ADAMTSL1: variants seen among roughly 807,000 people sequenced by gnomAD.
ADAMTSL1 encodes the protein ADAMTS-like protein 1.
In ADAMTSL1, 126 loss-of-function variants were observed where a neutral mutation model predicts 201.8. The ratio of observed to expected loss-of-function variants is 0.62; its 90% confidence interval spans 0.54 to 0.72. The LOEUF is 0.72. Among genes scored for constraint, ADAMTSL1 ranks in the 30% least tolerant of loss-of-function variants. ADAMTSL1 has a pLI of 0.00. For synonymous variants in ADAMTSL1, 1,121 were observed against 903.4 expected, an observed-to-expected ratio of 1.24 and a Z score of -4.32; for missense variants, 2,679 against 2,277.8, an observed-to-expected ratio of 1.18 and a Z score of -3.59.
intron 14 of ADAMTSL1, among the ~76,000 whole-genome samples, chr9:18,712,880 A>G (rs971174241): frequency 6.7e-6 from 1 of 148,798 alleles, no homozygotes; most frequent in African/African-American, 2.5e-5. Flanking sequence ...AGGGAAGCCC[A>G]TCAGACTAAC....
chr9:18,493,756 T>A (rs1822380582), intron 1 of ADAMTSL1, among the ~76,000 whole-genome samples: 1 of 152,236 alleles, frequency 6.6e-6, no homozygotes, highest in South Asian at 2.1e-4. Context: ...TTTCCCTCTG[T>A]CTTTAGATAA....
At chr9:18,097,332 G>A (rs2094348680) in intron 1 of ADAMTSL1, among the ~76,000 whole-genome samples, 1 of 152,272 alleles carries the variant, frequency 6.6e-6, no homozygotes, top group South Asian at 2.1e-4. Context: ...TGTGTTTCTG[G>A]ATTTTGGCTA....
At chr9:18,301,174 GA>G (rs1254061081) in intron 2 of ADAMTSL1, among the ~76,000 whole-genome samples, 1 of 151,764 alleles carries the variant, frequency 6.6e-6, no homozygotes, top group East Asian at 1.9e-4. Flanking sequence ...CAGGAAGAAA[GA>G]AAAAAAGTAT....
chr9:18,875,351 T>C (rs1473453204), intron 23 of ADAMTSL1, among the ~76,000 whole-genome samples: 2 of 152,174 alleles, frequency 1.3e-5, no homozygotes, highest in Non-Finnish European at 2.9e-5. Flanking sequence ...TTAGATTGTC[T>C]ATTTGTGCTC....
chr9:18,735,731 A>T lies in ADAMTSL1; in HGVS notation c.2006+14066A>T, dbSNP rs1434130825. Among the ~76,000 whole-genome samples the T allele has an allele frequency of 2.4e-5, 3 of 124,754 alleles. No homozygotes were observed. In the East Asian group the frequency reaches 6.7e-4, roughly 28 times the overall value. The allele number at this position is 124,754 out of a possible 152,430, so 81.8% of individuals were successfully genotyped here. ...TGCTCAGGATGCTCTTTGAGAAGTC[A>T]GACGGCATTCTTTTTTCTTTTTTTT... On this transcript the variant is annotated intron_variant, in intron 15 of 28. Coordinates refer to ENST00000380548, the MANE Select transcript of ADAMTSL1 (RefSeq NM_001040272.6).
chr9:18,444,809 C>T lies in ADAMTSL1; in HGVS notation c.208-60020C>T, dbSNP rs577629864. Reference sequence around the variant, plus strand: ...CAGAAATGCCATATTTAATGTCTTTCCTCCTATTTATTAAAAGACATATGT... The same window carrying T: ...CAGAAATGCCATATTTAATGTCTTTTCTCCTATTTATTAAAAGACATATGT... On this transcript the variant is annotated intron_variant, in intron 2 of 29. Transcript: ENST00000680146. Among the ~76,000 whole-genome samples the T allele has an allele frequency of 3.7e-3, 568 of 152,162 alleles. 2 individuals carry two copies. The highest frequency in any genetic ancestry group is 0.01 in the Middle Eastern group (3 of 294).
At chr9:18,695,026 G>T (rs1043259284) in intron 13 of ADAMTSL1, among the ~76,000 whole-genome samples, 5 of 152,264 alleles carry the variant, frequency 3.3e-5, no homozygotes, top group African/African-American at 4.8e-5. Context: ...TTCTGGAGCA[G>T]ATGCCTGAGA....
intron 2 of ADAMTSL1, among the ~76,000 whole-genome samples, chr9:18,200,473 A>G (rs969866254): frequency 6.6e-6 from 1 of 152,150 alleles, no homozygotes; most frequent in African/African-American, 2.4e-5. Context: ...TTCAGGCATC[A>G]TTACATAACC....
chr9:18,510,276 C>T (rs1817951977), intron 2 of ADAMTSL1, among the ~76,000 whole-genome samples: 1 of 152,136 alleles, frequency 6.6e-6, no homozygotes, highest in Admixed American at 6.5e-5. Flanking sequence ...TAATTTTGTT[C>T]CCTGATGGAC....
chr9:18,110,379 T>C (rs1824953071), intron 1 of ADAMTSL1, among the ~76,000 whole-genome samples: 1 of 152,086 alleles, frequency 6.6e-6, no homozygotes, highest in African/African-American at 2.4e-5. Context: ...GTAGGGAAAG[T>C]GCAAGACTAG....
intron 1 of ADAMTSL1, among the ~76,000 whole-genome samples, chr9:18,133,677 T>C (rs1302222900): frequency 6.6e-6 from 1 of 152,168 alleles, no homozygotes; most frequent in Non-Finnish European, 1.5e-5. Context: ...CAGGTCCCTA[T>C]GGCTTCAGAA....
intron 23 of ADAMTSL1, among the ~76,000 whole-genome samples, chr9:18,831,004 C>T (rs1309767612): frequency 1.3e-5 from 2 of 152,192 alleles, no homozygotes; most frequent in Non-Finnish European, 2.9e-5. Context: ...CCAGTGGGTT[C>T]CCAGTCGTAT....
At chr9:18,060,990 A>C (rs575334404) in intron 1 of ADAMTSL1, among the ~76,000 whole-genome samples, 1 of 152,310 alleles carries the variant, frequency 6.6e-6, no homozygotes, top group South Asian at 2.1e-4. Context: ...TGAGAACATA[A>C]TGCTACCTGT....
At chr9:17,956,761 C>G (rs1827948457) in intron 1 of ADAMTSL1, among the ~76,000 whole-genome samples, 1 of 152,114 alleles carries the variant, frequency 6.6e-6, no homozygotes, top group African/African-American at 2.4e-5. Context: ...GAATTTGCAG[C>G]CATTGTTAAT....
intron 1 of ADAMTSL1, among the ~76,000 whole-genome samples, chr9:18,091,219 A>G (rs901018993): frequency 2.0e-5 from 3 of 152,028 alleles, no homozygotes; most frequent in Non-Finnish European, 4.4e-5. Flanking sequence ...CTTTAAGCCA[A>G]GTTCCTTACA....
intron 4 of ADAMTSL1, among the ~76,000 whole-genome samples, chr9:18,613,240 A>G (rs78698648): frequency 2.6e-5 from 4 of 152,332 alleles, no homozygotes; most frequent in African/African-American, 2.4e-5. Flanking sequence ...GTGGAAAAAA[A>G]GGAACACTTA....
chr9:18,196,440 G>A (rs763479970), intron 2 of ADAMTSL1, among the ~76,000 whole-genome samples: 1 of 151,972 alleles, frequency 6.6e-6, no homozygotes, highest in East Asian at 1.9e-4. Context: ...TAAAAATGTG[G>A]CTGTTGCAGC....
At chr9:18,159,521 G>T (rs1827297488) in intron 1 of ADAMTSL1, among the ~76,000 whole-genome samples, 1 of 151,940 alleles carries the variant, frequency 6.6e-6, no homozygotes, top group South Asian at 2.1e-4. Context: ...TTCATAATCA[G>T]CTCCCATCAT....
At chr9:18,169,757 G>T (rs1827806751) in intron 2 of ADAMTSL1, among the ~76,000 whole-genome samples, 1 of 152,114 alleles carries the variant, frequency 6.6e-6, no homozygotes. Context: ...CTACCCATGA[G>T]CATGGAATGT....
Sources: gnomAD v4.1 joint callset for allele counts (sites outside exome capture counted in the v4.1 genomes callset) on GRCh38, gnomAD v4.1.1 for gene constraint, MANE v1.5 for transcripts, NCBI Gene and HGNC (gene_info 2026-07-23, HGNC 2026-07-21) for gene names.